Variants in RFNG observed in about 807,000 individuals in gnomAD.
RFNG encodes beta-1,3-N-acetylglucosaminyltransferase radical fringe.
RFNG carries 37 observed loss-of-function variants against 29.6 expected under a neutral mutation model. The ratio of observed to expected loss-of-function variants is 1.25; its 90% CI spans 0.96 to 1.65. The LOEUF is 1.65. Among genes scored for constraint, RFNG ranks in the 40% most tolerant of loss-of-function variants. RFNG has a pLI of 0.00. For missense variants in RFNG, 546 were observed against 457.0 expected, an observed-to-expected ratio of 1.19 and a Z score of -1.78; for synonymous variants, 276 against 197.3, an observed-to-expected ratio of 1.40 and a Z score of -3.34.
At position 82,051,197 on chromosome 17, in the gene RFNG, G is replaced by C. The variant is rs1050340029; in HGVS notation, c.316+97C>G. The C allele has an allele frequency of 5.4e-6, 7 of 1,307,380 alleles. No individual in the cohort carries two copies. The East Asian group carries it at 9.3e-5, about 17-fold the overall frequency. The allele number at this position is 1,307,380 out of a possible 1,614,324, so 81.0% of individuals were successfully genotyped here. ...TCCCCGGGCCTCGGGAGCCTGGGCA[G>C]AGAAAGGCACCCACAGCAGCGAAGG... On this transcript the variant is annotated intron_variant, in intron 2 of 7. Coordinates refer to ENST00000310496, the MANE Select transcript of RFNG (RefSeq NM_002917.2). This position sits in a 1 kb window ranked among gnomAD's most constrained non-coding sequence, Gnocchi z 4.1.
rs12449764 is a variant in RFNG at position 82,048,243 on chromosome 17, C to T, written c.*483G>A. 3,150 of 180,992 alleles carry T rather than the reference C, an allele frequency of 0.017. 196 individuals are homozygous for T. Among genetic ancestry groups the T allele is most frequent in the East Asian group, 0.14 (894 of 6,196 alleles). 11.2% of individuals were successfully genotyped at this position (180,992 alleles called of 1,614,324 possible). A position where few individuals can be genotyped will look rare whatever the true frequency, so the allele number is the denominator to read the frequency against. On this transcript the variant is annotated 3_prime_UTR_variant, in exon 8 of 8. Transcript: ENST00000310496. Reference sequence around the variant, plus strand: ...CGGGCCTGAGTCCCACTGTGGTGCCCGGCCGTGCACCCAGCCTGCGGCAGA... The same window carrying T: ...CGGGCCTGAGTCCCACTGTGGTGCCTGGCCGTGCACCCAGCCTGCGGCAGA...
Position 82,050,569 on chromosome 17 carries a change from G to A in RFNG, c.420-14C>T. On this transcript the variant is annotated splice_polypyrimidine_tract_variant and intron_variant, in intron 3 of 7. Coordinates refer to ENST00000310496, the MANE Select transcript of RFNG (RefSeq NM_002917.2). ...TGGCAAAACCACCTGTGGGCGAGGG[G>A]AGTCCTGGGCACGAGGGCCTGGCAT... The A allele has an allele frequency of 6.2e-7, 1 of 1,609,986 alleles. No individual in the cohort carries two copies.
rs1480403478 is a variant in RFNG at position 82,051,067 on chromosome 17, C to T, written c.316+227G>A. ...GCTTCTTCAGGGGACGTGGCACTAG[C>T]CCCACGCCCCGGGAAGCGGCTAGTG... On this transcript the variant is annotated intron_variant, in intron 2 of 7. Coordinates refer to ENST00000310496, the MANE Select transcript of RFNG (RefSeq NM_002917.2). This position sits in a 1 kb window ranked among gnomAD's most constrained non-coding sequence, Gnocchi z 4.1. The T allele has an allele frequency of 7.3e-6, 10 of 1,374,234 alleles. No homozygotes were observed. In the Admixed American group the frequency reaches 1.7e-4, roughly 23 times the overall value. The allele number at this position is 1,374,234 out of a possible 1,614,324, so 85.1% of individuals were successfully genotyped here.
chr17:82,050,652 C>A lies in RFNG; in HGVS notation c.419+10G>T. The A allele has an allele frequency of 6.2e-7, 1 of 1,612,444 alleles. No homozygotes were observed. The highest frequency in any genetic ancestry group is 8.5e-7 in the Non-Finnish European group (1 of 1,179,454). On this transcript the variant is annotated intron_variant, in intron 3 of 7. Coordinates refer to ENST00000310496, the MANE Select transcript of RFNG (RefSeq NM_002917.2). ...CTGAGCTCTCTGCGGGTCGGGTCAG[C>A]GCCGCGTACTTGCGCCCGGACTCAA... is the stretch of plus-strand genomic sequence containing the variant.
At position 82,051,550 on chromosome 17, in the gene RFNG, GC is replaced by G; in HGVS notation, c.216del (p.Pro73ArgfsTer79). The G allele has an allele frequency of 7.2e-7, 1 of 1,397,918 alleles. No individual in the cohort carries two copies. The highest frequency in any genetic ancestry group is 9.3e-7 in the Non-Finnish European group (1 of 1,071,764). 86.6% of individuals were successfully genotyped at this position (1,397,918 alleles called of 1,614,324 possible). A position where few individuals can be genotyped will look rare whatever the true frequency, so the allele number is the denominator to read the frequency against. On this transcript the variant is annotated frameshift_variant, in exon 1 of 8. Transcript: ENST00000310496. LOFTEE classifies it high-confidence loss of function. This position sits in a 1 kb window ranked among gnomAD's most constrained non-coding sequence, Gnocchi z 4.1. ...IAVKTTRKNHGPRLRLLLRTW... is the reference protein window; with the variant it reads ...IAVKTTRKNHXPRLRLLLRTW... ...GTGCGCAGCAGCAGCCGCAGGCGCGGCCCGTGGTTCTTCCGGGTGGTCTTGA... is the reference window on the plus strand; with the variant it reads ...GTGCGCAGCAGCAGCCGCAGGCGCGGCCGTGGTTCTTCCGGGTGGTCTTGA...
Position 82,050,441 on chromosome 17 carries a change from G to T in RFNG, c.534C>A (p.His178Gln). 1.2e-6 allele frequency: 2 copies of T among 1,608,940 alleles called. No individual in the cohort carries two copies. The highest frequency in any genetic ancestry group is 1.7e-5 in the Admixed American group (1 of 59,286). ...DVYLGRPSLD[H>Q]PIEATERVQG... ...GGACCCTCTCGGTGGCCTCAATGGG[G>T]TGGTCCAGGCTGGGCCGCCCCAGGT... Residue 178 changes from histidine (H) to glutamine (Q), a missense_variant, in exon 4 of 8, where the codon CAC (histidine) becomes CAA (glutamine). By Grantham distance (24) the His-to-Gln change is conservative. Coordinates refer to ENST00000310496, the MANE Select transcript of RFNG (RefSeq NM_002917.2).
rs137964839 is a variant in RFNG, at chr17:82,051,017, C to A, written c.317-253G>T. On this transcript the variant is annotated intron_variant, in intron 2 of 7. Coordinates refer to ENST00000310496, the MANE Select transcript of RFNG (RefSeq NM_002917.2). The surrounding 1 kb of genome is among the most constrained non-coding windows in gnomAD (Gnocchi z 4.1). ...CGGAGGCAGCTCGCCCTGACCTGGC[C>A]TGGAAGGGCGGATTCCCTGCTGGCG... 3 of 1,402,864 alleles carry A rather than the reference C, an allele frequency of 2.1e-6. No homozygotes were observed. The African/African-American group carries it at 4.4e-5, about 20-fold the overall frequency. 86.9% of individuals were successfully genotyped at this position (1,402,864 alleles called of 1,614,324 possible).
At chr17:82,050,987 C>T in intron 2 of RFNG, 1 of 1,425,326 alleles carries the variant, frequency 7.0e-7, no homozygotes, top group Non-Finnish European at 9.1e-7. Context: ...TGAGTGGAAA[C>T]AGGACGGAGG....
In RFNG at chr17:82,048,722, G is replaced by T; in HGVS notation, c.*4C>A. On this transcript the variant is annotated 3_prime_UTR_variant, in exon 8 of 8. Transcript: ENST00000310496. ...CAGGCAGCCCTGGGTCGGGGTGGTT[G>T]GTGTCACCGAGAGGTCGGGGCGCCC... 1 of 1,611,470 alleles carries T rather than the reference G, an allele frequency of 6.2e-7. No homozygotes were observed.
Position 82,049,826 on chromosome 17 carries a change from T to C in RFNG, c.679A>G (p.Ser227Gly). Residue 227 changes from serine to glycine, a missense_variant, in exon 6 of 8, where the codon AGC becomes GGC. Physicochemically the swap from Ser to Gly is moderately conservative, Grantham distance 56. Coordinates refer to ENST00000310496, the MANE Select transcript of RFNG (RefSeq NM_002917.2). ...SPWASLGSFM[S>G]TAEQVRLPDD... is the part of the protein sequence containing the mutation. ...GGCAGCCGCACCTGCTCAGCTGTGC[T>C]CATGAAGCTGCCCAGGCTGGGGGGA... 1 of 1,590,268 alleles carries C rather than the reference T, an allele frequency of 6.3e-7. No individual in the cohort carries two copies. Among genetic ancestry groups the C allele is most frequent in the Non-Finnish European group, 8.5e-7 (1 of 1,169,798 alleles).
intron 4 of RFNG, 33 bp downstream of exon 4, chr17:82,050,369 G>A (rs371465961): frequency 1.8e-5 from 28 of 1,536,154 alleles, no homozygotes; most frequent in South Asian, 1.4e-4. Context: ...CAAGGAAGGC[G>A]TCTGCTCCGA....
chr17:82,050,641 G>A, intron 3 of RFNG, 21 bp downstream of exon 3: 3 of 1,611,998 alleles, frequency 1.9e-6, no homozygotes, highest in African/African-American at 1.3e-5. Flanking sequence ...GCTCTCTGCG[G>A]GTCGGGTCAG....
At chr17:82,049,394 C>T in intron 6 of RFNG, 2 of 699,128 alleles carry the variant, frequency 2.9e-6, no homozygotes, top group Non-Finnish European at 5.2e-6. Context: ...TTCCGACTCA[C>T]CATCACCATA....
intron 6 of RFNG, chr17:82,049,447 C>T (rs1243052202): frequency 1.4e-6 from 1 of 711,300 alleles, no homozygotes. Context: ...CCTCACTGGC[C>T]CGAGAACTGT....
In RFNG at chr17:82,051,315, G is replaced by C. The variant is rs777629635; in HGVS notation, c.295C>G (p.Pro99Ala). The change falls in exon 2 of 8, where the codon CCT (proline) becomes GCT (alanine). Residue 99 changes from proline to alanine, a missense_variant. Transcript: ENST00000310496. This position sits in a 1 kb window ranked among gnomAD's most constrained non-coding sequence, Gnocchi z 4.1. The stretch of plus-strand genomic sequence containing the variant: ...TCACCGCCCTGGAGCTCGAGCTCAG[G>C]GTCGTCCCCGTCGGTGAAGATAAAC... Reference protein sequence around the residue: ...QTFIFTDGDDPELELQGGDRV... With the variant: ...QTFIFTDGDDAELELQGGDRV... 2.8e-6 allele frequency: 4 copies of C among 1,442,640 alleles called. No homozygotes were observed. In the South Asian group the frequency reaches 6.6e-5, roughly 24 times the overall value. 89.4% of individuals were successfully genotyped at this position (1,442,640 alleles called of 1,614,324 possible). A position where few individuals can be genotyped will look rare whatever the true frequency, so the allele number is the denominator to read the frequency against.
intron 6 of RFNG, 106 bp from the exon 7 acceptor site, chr17:82,049,222 C>G (rs1443163283): frequency 4.4e-6 from 4 of 903,638 alleles, no homozygotes. Flanking sequence ...CCCCCTCTCC[C>G]CAGGCCCTCG....
Position 82,050,044 on chromosome 17 carries a change from G to A in RFNG, c.574-38C>T, listed in dbSNP as rs778674180. ...TGGTGGTCAGAGCTGCCCAGGACAG[G>A]GCTTCTCACCCCTGACTCTTCATGG... On this transcript the variant is annotated intron_variant, in intron 4 of 7. Transcript: ENST00000310496. 1.8e-5 allele frequency: 27 copies of A among 1,534,366 alleles called. No homozygotes were observed. In the Admixed American group the frequency reaches 4.5e-4, roughly 26 times the overall value.
rs748322743 is a variant in RFNG at position 82,050,497 on chromosome 17, G to A, written c.478C>T (p.Leu160Phe). ...TCCTGGCTGGGTGAGAAGCTGGAGA[G>A]CAGGTGCAGGAGGCTCCTGGCGTTC... ...YVNARSLLHL[L>F]SSFSPSQDVY... The change falls in exon 4 of 8, where the codon CTC becomes TTC. Residue 160 changes from leucine to phenylalanine, a missense_variant. Leu to Phe is a conservative substitution (Grantham distance 22). Coordinates refer to ENST00000310496, the MANE Select transcript of RFNG (RefSeq NM_002917.2). The A allele has an allele frequency of 1.9e-6, 3 of 1,613,098 alleles. No homozygotes were observed. The highest frequency in any genetic ancestry group is 2.5e-6 in the Non-Finnish European group (3 of 1,179,910).
chr17:82,051,157 G>C lies in RFNG; in HGVS notation c.316+137C>G. 7.6e-7 allele frequency: 1 copy of C among 1,309,064 alleles called. No homozygotes were observed. Among genetic ancestry groups the C allele is most frequent in the Middle Eastern group, 2.9e-4 (1 of 3,498 alleles). The allele number at this position is 1,309,064 out of a possible 1,614,324, so 81.1% of individuals were successfully genotyped here. On this transcript the variant is annotated intron_variant, in intron 2 of 7. Coordinates refer to ENST00000310496, the MANE Select transcript of RFNG (RefSeq NM_002917.2). This position sits in a 1 kb window ranked among gnomAD's most constrained non-coding sequence, Gnocchi z 4.1. ...GGCCCTCCGCAGGCCGCGTGACCTGGGCAGCGTCGGGGCCTCCCCGGGCCT... is the reference window on the plus strand; with the variant it reads ...GGCCCTCCGCAGGCCGCGTGACCTGCGCAGCGTCGGGGCCTCCCCGGGCCT...
Sources: gnomAD v4.1 joint callset for allele counts on GRCh38, gnomAD v4.1.1 for gene constraint, Gnocchi (gnomAD v3.1) non-coding constraint, MANE v1.5 for transcripts, NCBI Gene and HGNC (gene_info 2026-07-23, HGNC 2026-07-21) for gene names.